Variants in COX6C observed in about 807,000 individuals in gnomAD.
COX6C encodes cytochrome c oxidase subunit 6C, also known as cytochrome c oxidase polypeptide VIc.
COX6C carries 3 observed loss-of-function variants against 6.9 expected under a neutral mutation model. That is an observed-to-expected ratio of 0.43 (90% CI 0.20 to 1.12). The LOEUF (loss-of-function observed/expected upper bound fraction) is 1.12, where lower values mean the gene tolerates loss of function less well. COX6C is among the 50% of genes most tolerant of loss of function. The pLI, the probability that COX6C is intolerant of heterozygous loss-of-function variation, is 0.27. For synonymous variants in COX6C, 32 were observed against 32.0 expected (o/e 1.00, Z 0.00); for missense variants, 101 against 97.3 (o/e 1.04, Z -0.16).
At position 99,883,577 on chromosome 8, in the gene COX6C, C is replaced by T. The variant is rs367834824; in HGVS notation, c.*15+3913G>A. 1.6e-3 allele frequency among the ~76,000 whole-genome samples: 236 copies of T among 151,750 alleles called. 1 individual carries two copies. The South Asian group carries it at 0.017, about 11-fold the overall frequency. ...TCAGCCTCCCAAAGTGCTGGGATTA[C>T]AGGCATGAGCCACCATGCCCAGCCC... On this transcript the variant is annotated intron_variant, in intron 3 of 3. Coordinates refer to ENST00000520468, the MANE Select transcript of COX6C (RefSeq NM_004374.4).
In COX6C at chr8:99,892,072, A is replaced by AT. The variant is rs1318108639; in HGVS notation, c.-31-21dup. 1.4e-6 allele frequency: 2 copies of AT among 1,392,326 alleles called. No individual in the cohort carries two copies. The highest frequency in any genetic ancestry group is 4.6e-5 in the East Asian group (2 of 43,704). The allele number at this position is 1,392,326 out of a possible 1,614,324, so 86.2% of individuals were successfully genotyped here. ...GCTAACCTTAAGAGATTCAGAAAAT[A>AT]TGATTAAGTACAGAGTTTATTTAAG... On this transcript the variant is annotated intron_variant, in intron 1 of 3. Coordinates refer to ENST00000520468, the MANE Select transcript of COX6C (RefSeq NM_004374.4).
At chr8:99,886,581 T>G (rs998541525) in intron 3 of COX6C, among the ~76,000 whole-genome samples, 3 of 152,116 alleles carry the variant, frequency 2.0e-5, no homozygotes, top group African/African-American at 7.3e-5. Context: ...ACAGCATCAC[T>G]CACAACAATC....
chr8:99,885,578 T>C (rs1016892951), intron 3 of COX6C, among the ~76,000 whole-genome samples: 1 of 152,188 alleles, frequency 6.6e-6, no homozygotes, highest in Non-Finnish European at 1.5e-5. Flanking sequence ...CTTAAATGAT[T>C]TCGGGAAAAC....
intron 3 of COX6C, among the ~76,000 whole-genome samples, chr8:99,880,319 C>G (rs982950244): frequency 2.6e-5 from 4 of 152,256 alleles, no homozygotes; most frequent in African/African-American, 9.6e-5. Context: ...CTCTATAAAA[C>G]CTTAAGAACA....
At chr8:99,884,729 G>A (rs779278426) in intron 3 of COX6C, among the ~76,000 whole-genome samples, 15 of 152,088 alleles carry the variant, frequency 9.9e-5, no homozygotes, top group Non-Finnish European at 1.9e-4. Context: ...ATACAGCTAC[G>A]TTTTTTCCTA....
At chr8:99,887,218 AC>A (rs1817955745) in intron 3 of COX6C, 1 of 254,840 alleles carries the variant, frequency 3.9e-6, no homozygotes, top group Non-Finnish European at 7.5e-6. Context: ...ACTACAGAGT[AC>A]AGCATCAGCT....
chr8:99,887,482 C>T lies in COX6C; in HGVS notation c.*15+8G>A. ...TTTTTTTTAAGTAACTTCAAATAAC[C>T]ATATTACCTTTATATTCCAAGATTA... On this transcript the variant is annotated splice_region_variant and intron_variant, in intron 3 of 3. Coordinates refer to ENST00000520468, the MANE Select transcript of COX6C (RefSeq NM_004374.4). 5.3e-6 allele frequency: 8 copies of T among 1,499,216 alleles called. No homozygotes were observed. Among genetic ancestry groups the T allele is most frequent in the Non-Finnish European group, 7.2e-6 (8 of 1,108,092 alleles). 92.9% of individuals were successfully genotyped at this position (1,499,216 alleles called of 1,614,324 possible).
In COX6C at chr8:99,893,673, A is replaced by C. The variant is rs1311910921; in HGVS notation, c.-66T>G. On this transcript the variant is annotated 5_prime_UTR_variant, in exon 1 of 4. Coordinates refer to ENST00000520468, the MANE Select transcript of COX6C (RefSeq NM_004374.4). ...AACGTCCTTCCTGACTAAAGGAAAA[A>C]CGAACCGTGCTGTAGCCGCGCGCAG... 1.3e-5 allele frequency: 2 copies of C among 152,266 alleles called. No individual in the cohort carries two copies. Among genetic ancestry groups the C allele is most frequent in the Non-Finnish European group, 2.9e-5 (2 of 68,066 alleles). The allele number at this position is 152,266 out of a possible 1,614,324, so 9.4% of individuals were successfully genotyped here.
chr8:99,882,271 TAC>T lies in COX6C; in HGVS notation c.*16-4008_*16-4007del, dbSNP rs1817877239. ...CAAAACACTCCAGCTAACAACAGAA[TAC>T]ACATTTTTCCCAAGAGAACATGGAA... On this transcript the variant is annotated intron_variant, in intron 3 of 3. Coordinates refer to ENST00000520468, the MANE Select transcript of COX6C (RefSeq NM_004374.4). 1.3e-5 allele frequency among the ~76,000 whole-genome samples: 2 copies of T among 152,160 alleles called. 1 individual carries two copies. Among genetic ancestry groups the T allele is most frequent in the Non-Finnish European group, 2.9e-5 (2 of 68,016 alleles).
intron 3 of COX6C, among the ~76,000 whole-genome samples, chr8:99,883,471 A>ATTTT (rs71274942): frequency 0.02 from 2,715 of 137,624 alleles, 72 homozygotes; most frequent in African/African-American, 0.054. Flanking sequence ...ATATATATAT[A>ATTTT]TTTTTTTTTT....
At position 99,892,223 on chromosome 8, in the gene COX6C, C is replaced by T. The variant is rs532569373; in HGVS notation, c.-31-171G>A. Among the ~76,000 whole-genome samples, 5 of 152,256 alleles carry T rather than the reference C, an allele frequency of 3.3e-5. No homozygotes were observed. In the East Asian group the frequency reaches 9.6e-4, roughly 29 times the overall value. The stretch of plus-strand genomic sequence containing the variant: ...CAGAAACAGGGTCTAGCTATGCTCC[C>T]CAGGCTGGTCTTAAACTCCTGCCCT... On this transcript the variant is annotated intron_variant, in intron 1 of 3. Transcript: ENST00000520468.
intron 3 of COX6C, among the ~76,000 whole-genome samples, chr8:99,880,484 G>C (rs900402589): frequency 6.6e-6 from 1 of 152,104 alleles, no homozygotes; most frequent in Admixed American, 6.5e-5. Context: ...TAACTGAATG[G>C]GGGGAGAAGG....
At chr8:99,880,409 G>C (rs1344755826) in intron 3 of COX6C, among the ~76,000 whole-genome samples, 1 of 152,100 alleles carries the variant, frequency 6.6e-6, no homozygotes, top group Admixed American at 6.5e-5. Flanking sequence ...ATAAACAAGT[G>C]AGAATATAAA....
chr8:99,890,755 G>A (rs1023658911), intron 2 of COX6C, among the ~76,000 whole-genome samples: 11 of 151,914 alleles, frequency 7.2e-5, no homozygotes, highest in African/African-American at 1.7e-4. Context: ...ACATTTTTAC[G>A]GAAAAGTTGT....
At chr8:99,879,405 A>G (rs1817821399) in intron 3 of COX6C, among the ~76,000 whole-genome samples, 2 of 152,208 alleles carry the variant, frequency 1.3e-5, no homozygotes, top group Non-Finnish European at 1.5e-5. Context: ...AACATTCGTA[A>G]TGCCAATCTA....
chr8:99,891,106 G>A (rs1213071213), intron 2 of COX6C, among the ~76,000 whole-genome samples: 1 of 152,210 alleles, frequency 6.6e-6, no homozygotes, highest in Non-Finnish European at 1.5e-5. Flanking sequence ...TCTGTAATGG[G>A]TTGAATTGTG....
chr8:99,881,860 T>C (rs1817870991), intron 3 of COX6C, among the ~76,000 whole-genome samples: 1 of 152,194 alleles, frequency 6.6e-6, no homozygotes, highest in African/African-American at 2.4e-5. Flanking sequence ...AGACTCACTG[T>C]AGATCTAAGG....
At chr8:99,884,888 A>C (rs1817922918) in intron 3 of COX6C, among the ~76,000 whole-genome samples, 1 of 152,238 alleles carries the variant, frequency 6.6e-6, no homozygotes, top group East Asian at 1.9e-4. Context: ...CATGGATTGG[A>C]ATACTTAATA....
At chr8:99,883,417 G>A (rs1458407842) in intron 3 of COX6C, among the ~76,000 whole-genome samples, 1 of 149,738 alleles carries the variant, frequency 6.7e-6, no homozygotes, top group Non-Finnish European at 1.5e-5. Flanking sequence ...ATATATGTGT[G>A]TGTGTGTATA....
Sources: allele counts gnomAD v4.1 joint callset (sites outside exome capture counted in the v4.1 genomes callset), GRCh38; gene constraint gnomAD v4.1.1; transcripts MANE v1.5; gene names NCBI Gene and HGNC (gene_info 2026-07-23, HGNC 2026-07-21).